TNIK: variants seen among roughly 807,000 people sequenced by gnomAD.
TNIK encodes the protein TRAF2 and NCK interacting kinase, also known as TRAF2 and NCK-interacting protein kinase.
Under a neutral mutation model 191.3 loss-of-function variants are expected in TNIK, and 49 were observed. That is an observed-to-expected ratio of 0.26 (90% CI 0.20 to 0.32). TNIK has a LOEUF of 0.32. Among genes scored for constraint, TNIK ranks in the 10% least tolerant of loss-of-function variants. The pLI is 1.00. For missense variants in TNIK, 1,155 were observed against 1,702.3 expected (o/e 0.68, Z 5.66); for synonymous variants, 594 against 600.9 (o/e 0.99, Z 0.17).
intron 1 of TNIK, among the ~76,000 whole-genome samples, chr3:171,374,898 A>G (rs766091505): frequency 6.6e-6 from 1 of 152,166 alleles, no homozygotes; most frequent in African/African-American, 2.4e-5. Context: ...TGTTTTACAG[A>G]TTAGGAAATG....
At chr3:171,334,976 CAG>C (rs988420855) in intron 2 of TNIK, among the ~76,000 whole-genome samples, 1 of 145,730 alleles carries the variant, frequency 6.9e-6, no homozygotes, top group African/African-American at 2.5e-5. Flanking sequence ...AAGTGACTTT[CAG>C]AGTCTTCAGA....
At chr3:171,329,585 CAT>C (rs1471283605) in intron 2 of TNIK, among the ~76,000 whole-genome samples, 1 of 152,160 alleles carries the variant, frequency 6.6e-6, no homozygotes, top group African/African-American at 2.4e-5. Flanking sequence ...TCCCTAAGCA[CAT>C]AGTGTGCCCC....
intron 1 of TNIK, among the ~76,000 whole-genome samples, chr3:171,436,272 C>T (rs1388226474): frequency 6.6e-6 from 1 of 152,144 alleles, no homozygotes; most frequent in Non-Finnish European, 1.5e-5. Context: ...AACCTAATAC[C>T]TTGTAAACCT....
intron 3 of TNIK, among the ~76,000 whole-genome samples, chr3:171,220,565 A>G (rs1232706058): frequency 6.6e-6 from 1 of 152,068 alleles, no homozygotes; most frequent in Non-Finnish European, 1.5e-5. Flanking sequence ...AGCATAAAGG[A>G]AAGGACGGAC....
intron 9 of TNIK, among the ~76,000 whole-genome samples, chr3:171,171,586 T>G (rs1166720380): frequency 6.6e-6 from 1 of 152,174 alleles, no homozygotes; most frequent in African/African-American, 2.4e-5. Context: ...GCTTTGCCTG[T>G]GTGGGCTCTT....
intron 2 of TNIK, among the ~76,000 whole-genome samples, chr3:171,288,059 A>AT (rs1560377325): frequency 6.7e-6 from 1 of 150,192 alleles, no homozygotes; most frequent in East Asian, 1.9e-4. Flanking sequence ...TCAGTAAACT[A>AT]TTGCAAGAAC....
At chr3:171,241,116 C>T (rs1346848314) in intron 2 of TNIK, among the ~76,000 whole-genome samples, 1 of 151,930 alleles carries the variant, frequency 6.6e-6, no homozygotes, top group African/African-American at 2.4e-5. Flanking sequence ...CCGCAACCTC[C>T]ACCTCCCAGT....
intron 2 of TNIK, among the ~76,000 whole-genome samples, chr3:171,332,257 C>T (rs913220400): frequency 6.6e-6 from 1 of 152,128 alleles, no homozygotes; most frequent in Admixed American, 6.5e-5. Context: ...ATATAGCTAG[C>T]CCAAAATTTG....
In TNIK at chr3:171,335,755, G is replaced by A. The variant is rs140199051; in HGVS notation, c.123+33865C>T. ...ATTCAATACAGATCTTGGTACTGGC[G>A]TGTGTTTTATTTCTCCTGGGTAAAT... On this transcript the variant is annotated intron_variant, in intron 2 of 32. Coordinates refer to ENST00000436636, the MANE Select transcript of TNIK (RefSeq NM_015028.4). Among the ~76,000 whole-genome samples, 89 of 152,274 alleles carry A rather than the reference G, an allele frequency of 5.8e-4. 1 individual carries two copies. Among genetic ancestry groups the A allele is most frequent in the African/African-American group, 1.9e-3 (80 of 41,558 alleles).
chr3:171,194,042 G>A (rs1370442994), intron 5 of TNIK, among the ~76,000 whole-genome samples: 1 of 152,156 alleles, frequency 6.6e-6, no homozygotes, highest in East Asian at 1.9e-4. Flanking sequence ...TAGGTTGTAT[G>A]TATAGGAATG....
At chr3:171,320,444 C>T (rs1426265300) in intron 2 of TNIK, among the ~76,000 whole-genome samples, 1 of 152,112 alleles carries the variant, frequency 6.6e-6, no homozygotes, top group East Asian at 1.9e-4. Context: ...TGTCAATTTG[C>T]TCAGGTTGAA....
intron 5 of TNIK, 42 bp from the exon 6 acceptor site, chr3:171,190,829 GCCAA>G: frequency 7.1e-7 from 1 of 1,406,412 alleles, no homozygotes; most frequent in Non-Finnish European, 9.8e-7. Context: ...AGGAACATAA[GCCAA>G]GATGCCAATA....
chr3:171,458,080 G>A (rs1728976568), intron 1 of TNIK, among the ~76,000 whole-genome samples: 1 of 152,106 alleles, frequency 6.6e-6, no homozygotes, highest in South Asian at 2.1e-4. Flanking sequence ...GCAAGGTCGA[G>A]ATTCCGGCCC....
chr3:171,247,885 G>A (rs1745780515), intron 2 of TNIK, among the ~76,000 whole-genome samples: 1 of 147,850 alleles, frequency 6.8e-6, no homozygotes. Context: ...ATAGAGTGAA[G>A]GAAAAAATGG....
At chr3:171,432,115 A>C (rs1287963342) in intron 1 of TNIK, among the ~76,000 whole-genome samples, 1 of 152,220 alleles carries the variant, frequency 6.6e-6, no homozygotes, top group Non-Finnish European at 1.5e-5. Flanking sequence ...CCAAAAGAGA[A>C]GAAAAGATTG....
chr3:171,120,635 T>C (rs77641201), intron 18 of TNIK, among the ~76,000 whole-genome samples: 6,837 of 152,098 alleles, frequency 0.045, 528 homozygotes, highest in African/African-American at 0.16. Context: ...TTTAAAAAAT[T>C]GATTTAGCAC....
intron 7 of TNIK, among the ~76,000 whole-genome samples, chr3:171,181,238 G>T (rs1470552057): frequency 6.6e-6 from 1 of 152,184 alleles, no homozygotes; most frequent in Non-Finnish European, 1.5e-5. Flanking sequence ...TTTCTCAATT[G>T]CACAATGGAA....
chr3:171,158,103 A>AC (rs1576994493), intron 11 of TNIK, among the ~76,000 whole-genome samples: 4 of 151,852 alleles, frequency 2.6e-5, no homozygotes. Context: ...CACCCACACC[A>AC]CCCCCTCACA....
chr3:171,312,000 T>C (rs1374044544), intron 2 of TNIK, among the ~76,000 whole-genome samples: 1 of 150,442 alleles, frequency 6.6e-6, no homozygotes, highest in East Asian at 2.0e-4. Flanking sequence ...CGGGTGCGCC[T>C]GCCCACCCAC....
Sources: gnomAD v4.1 joint callset for allele counts (sites outside exome capture counted in the v4.1 genomes callset) on GRCh38, gnomAD v4.1.1 for gene constraint, MANE v1.5 for transcripts, NCBI Gene and HGNC (gene_info 2026-07-23, HGNC 2026-07-21) for gene names.